COL21A1: variants seen among roughly 807,000 people sequenced by gnomAD.
The protein encoded by COL21A1 is collagen type XXI alpha 1 chain.
COL21A1 carries 149 observed loss-of-function variants against 137.9 expected under a neutral mutation model. That is an observed-to-expected ratio of 1.08 (90% confidence interval 0.95 to 1.24). The LOEUF (loss-of-function observed/expected upper bound fraction) is 1.24. Ranked by LOEUF, COL21A1 falls within the 50% of genes most tolerant of loss-of-function variation. The pLI, the probability that COL21A1 is intolerant of heterozygous loss-of-function variation, is 0.00. For synonymous variants in COL21A1, 456 were observed against 391.5 expected (o/e 1.16, Z -1.95); for missense variants, 1,167 against 1,158.4 (o/e 1.01, Z -0.11).
At position 56,101,983 on chromosome 6, in the gene COL21A1, T is replaced by C. The variant is rs145782795; in HGVS notation, c.1759-458A>G. 3.6e-3 allele frequency among the ~76,000 whole-genome samples: 545 copies of C among 152,318 alleles called. 2 individuals are homozygous for C. Among genetic ancestry groups the C allele is most frequent in the African/African-American group, 0.013 (521 of 41,572 alleles). ...AATGGAGTTATTTATAGGTTATTAGTTGAAATTATCTGGCACTTTAGTATA... is the reference window on the plus strand; with the variant it reads ...AATGGAGTTATTTATAGGTTATTAGCTGAAATTATCTGGCACTTTAGTATA... On this transcript the variant is annotated intron_variant, in intron 16 of 29. Coordinates refer to ENST00000244728, the MANE Select transcript of COL21A1 (RefSeq NM_030820.4).
chr6:56,164,309 A>G lies in COL21A1; in HGVS notation c.1371+114T>C, dbSNP rs1322790126. 4.0e-6 allele frequency: 3 copies of G among 749,472 alleles called. No individual in the cohort carries two copies. In the East Asian group the frequency reaches 8.1e-5, roughly 20 times the overall value. The allele number at this position is 749,472 out of a possible 1,614,324, so 46.4% of individuals were successfully genotyped here. On this transcript the variant is annotated intron_variant, in intron 9 of 29. Coordinates refer to ENST00000244728, the MANE Select transcript of COL21A1 (RefSeq NM_030820.4). ...GACTAAAACTGAGGTTTTAAACTCT[A>G]TAAGAAATCAGATAGAAATTTCTCA...
intron 3 of COL21A1, among the ~76,000 whole-genome samples, chr6:56,173,090 A>C (rs1426061720): frequency 6.6e-6 from 1 of 152,188 alleles, no homozygotes; most frequent in Non-Finnish European, 1.5e-5. Flanking sequence ...CCTTAATCAA[A>C]GTACATAGAG....
At chr6:56,333,697 A>T (rs1013496492) in intron 1 of COL21A1, among the ~76,000 whole-genome samples, 7 of 152,108 alleles carry the variant, frequency 4.6e-5, no homozygotes, top group African/African-American at 1.7e-4. Flanking sequence ...AGAAACTATC[A>T]ACCTATATTC....
At chr6:56,171,178 A>G (rs749015346) in intron 3 of COL21A1, 50 bp from the exon 4 acceptor site, 34 of 1,352,250 alleles carry the variant, frequency 2.5e-5, no homozygotes, top group Non-Finnish European at 3.2e-5. Context: ...TATTCAAACA[A>G]TAAAAGAAAA....
chr6:56,233,478 T>C (rs962672761), intron 1 of COL21A1, among the ~76,000 whole-genome samples: 26 of 151,910 alleles, frequency 1.7e-4, no homozygotes, highest in African/African-American at 6.3e-4. Flanking sequence ...ATTAGTATCT[T>C]AGAAAATTAA....
At chr6:56,277,853 A>G (rs1052432359) in intron 1 of COL21A1, among the ~76,000 whole-genome samples, 4 of 152,238 alleles carry the variant, frequency 2.6e-5, no homozygotes, top group Admixed American at 2.6e-4. Context: ...CAGACTTAAC[A>G]TGTATATTTC....
intron 16 of COL21A1, among the ~76,000 whole-genome samples, chr6:56,111,566 C>T (rs886655648): frequency 2.0e-5 from 3 of 151,906 alleles, no homozygotes; most frequent in Admixed American, 1.3e-4. Flanking sequence ...TACAATTATT[C>T]CACACTAAAA....
At chr6:56,171,652 A>G (rs909712046) in intron 3 of COL21A1, among the ~76,000 whole-genome samples, 3 of 151,944 alleles carry the variant, frequency 2.0e-5, no homozygotes, top group Non-Finnish European at 4.4e-5. Context: ...CAAGCAGCTT[A>G]TATTTCTATA....
chr6:56,117,966 T>C (rs959930836), intron 16 of COL21A1, among the ~76,000 whole-genome samples: 2 of 151,652 alleles, frequency 1.3e-5, no homozygotes, highest in African/African-American at 4.8e-5. Flanking sequence ...GCTCTAAGTA[T>C]CTACATCAAA....
chr6:56,162,242 A>C (rs1208279108), intron 9 of COL21A1, among the ~76,000 whole-genome samples: 2 of 152,178 alleles, frequency 1.3e-5, no homozygotes, highest in Non-Finnish European at 2.9e-5. Flanking sequence ...AATGGATGGA[A>C]GAGTGTGTGT....
rs371654187 is a variant in COL21A1, at chr6:56,060,954, T to C, written c.2289A>G (p.Ala763=). ...ESGVDGLMGP[A]GPKGQPGDPG... The stretch of plus-strand genomic sequence containing the variant: ...GATCCCCAGGTTGCCCCTTAGGACC[T>C]GCGGGCCCCATCAAGCCATCCACCC... Residue 763 remains alanine (A), a synonymous_variant, in exon 26 of 30, where the codon GCA becomes GCG. Coordinates refer to ENST00000244728, the MANE Select transcript of COL21A1 (RefSeq NM_030820.4). 1.2e-5 allele frequency: 20 copies of C among 1,608,482 alleles called. No homozygotes were observed. The highest frequency in any genetic ancestry group is 1.7e-5 in the Non-Finnish European group (20 of 1,177,894).
At chr6:56,369,386 G>T (rs1766172834) in intron 1 of COL21A1, among the ~76,000 whole-genome samples, 1 of 151,370 alleles carries the variant, frequency 6.6e-6, no homozygotes, top group South Asian at 2.1e-4. Flanking sequence ...CACAGCAAAA[G>T]AAATCTAAGA....
intron 24 of COL21A1, 98 bp from the exon 25 acceptor site, chr6:56,061,779 T>C: frequency 8.1e-6 from 6 of 740,390 alleles, no homozygotes; most frequent in African/African-American, 1.8e-5. Flanking sequence ...ATTTAAAATT[T>C]CAATTTGGAA....
chr6:56,075,430 A>G, intron 19 of COL21A1, 49 bp downstream of exon 19: 2 of 1,445,004 alleles, frequency 1.4e-6, no homozygotes, highest in East Asian at 2.5e-5. Context: ...AGTAGGTAGT[A>G]GCAACACTGC....
intron 1 of COL21A1, among the ~76,000 whole-genome samples, chr6:56,242,445 GA>G (rs971469738): frequency 2.6e-5 from 4 of 151,842 alleles, no homozygotes; most frequent in African/African-American, 4.8e-5. Context: ...TTTTCTTCTC[GA>G]CACCAATGAG....
intron 1 of COL21A1, among the ~76,000 whole-genome samples, chr6:56,353,910 A>C (rs191867899): frequency 1.3e-4 from 20 of 152,356 alleles, no homozygotes; most frequent in African/African-American, 4.8e-4. Flanking sequence ...ATAATTTTTA[A>C]ATTTAAATAT....
intron 4 of COL21A1, 34 bp downstream of exon 4, chr6:56,170,926 C>G (rs1422063437): frequency 1.6e-5 from 26 of 1,589,210 alleles, no homozygotes; most frequent in Non-Finnish European, 2.1e-5. Flanking sequence ...AGACATATCC[C>G]CCCAAAAAAG....
chr6:56,066,471 T>G (rs1313464167), intron 23 of COL21A1, among the ~76,000 whole-genome samples: 1 of 151,914 alleles, frequency 6.6e-6, no homozygotes, highest in East Asian at 1.9e-4. Context: ...CAGCTTATTC[T>G]GCATAGCAAA....
chr6:56,191,069 A>G (rs1778640470), intron 1 of COL21A1, among the ~76,000 whole-genome samples: 2 of 152,194 alleles, frequency 1.3e-5, no homozygotes, highest in South Asian at 4.1e-4. Context: ...CTCTCTCACC[A>G]TTCCTTTTCA....
Sources: allele counts gnomAD v4.1 joint callset (sites outside exome capture counted in the v4.1 genomes callset), GRCh38; gene constraint gnomAD v4.1.1; transcripts MANE v1.5; gene names NCBI Gene and HGNC (gene_info 2026-07-23, HGNC 2026-07-21).